Variants in SYBU observed in about 807,000 individuals in gnomAD.
SYBU encodes the protein GOLSYN A protein.
Under a neutral mutation model 35.9 loss-of-function variants are expected in SYBU, and 21 were observed. The ratio of observed to expected loss-of-function variants is 0.58; its 90% CI spans 0.41 to 0.84. The LOEUF is 0.84. Among genes scored for constraint, SYBU ranks in the 40% least tolerant of loss-of-function variants. SYBU has a pLI of 0.00. For missense variants in SYBU, 768 were observed against 848.2 expected (o/e 0.91, Z 1.17); for synonymous variants, 319 against 324.3 (o/e 0.98, Z 0.18).
At chr8:109,607,023 T>C (rs1826138681) in intron 3 of SYBU, among the ~76,000 whole-genome samples, 1 of 152,248 alleles carries the variant, frequency 6.6e-6, no homozygotes. Flanking sequence ...TCTAAATATC[T>C]TAATTTTACA....
chr8:109,650,139 G>C (rs1050005790), intron 1 of SYBU, among the ~76,000 whole-genome samples: 2 of 152,116 alleles, frequency 1.3e-5, no homozygotes, highest in Non-Finnish European at 2.9e-5. Context: ...GCCAGACACA[G>C]AGCAGATACA....
At chr8:109,629,177 T>C (rs1200607056) in intron 2 of SYBU, among the ~76,000 whole-genome samples, 1 of 152,102 alleles carries the variant, frequency 6.6e-6, no homozygotes, top group Non-Finnish European at 1.5e-5. Context: ...AATCTTGACG[T>C]TTATTGGAAG....
Position 109,575,812 on chromosome 8 carries a change from T to C in SYBU, c.1086A>G (p.Ile362Met). ...DKGIQKYFVD[I>M]NIQNKKLESL... ...ACTCCAGCTTCTTGTTTTGGATGTT[T>C]ATGTCCACAAAATATTTCTGAATGC... is the stretch of plus-strand genomic sequence containing the variant. Residue 362 changes from isoleucine (I) to methionine (M), a missense_variant, in exon 7 of 7, where the codon ATA becomes ATG. Ile to Met is a conservative substitution (Grantham distance 10). Coordinates refer to ENST00000276646, the MANE Select transcript of SYBU (RefSeq NM_001099754.2). 1 of 1,614,118 alleles carries C rather than the reference T, an allele frequency of 6.2e-7. No homozygotes were observed. Among genetic ancestry groups the C allele is most frequent in the Non-Finnish European group, 8.5e-7 (1 of 1,180,022 alleles).
At chr8:109,676,926 T>C (rs1817211491) in intron 1 of SYBU, among the ~76,000 whole-genome samples, 1 of 152,174 alleles carries the variant, frequency 6.6e-6, no homozygotes. Context: ...ACATTTATGT[T>C]GGTTAAGATC....
chr8:109,599,407 C>G (rs1391339371), intron 3 of SYBU, among the ~76,000 whole-genome samples: 1 of 152,214 alleles, frequency 6.6e-6, no homozygotes, highest in Non-Finnish European at 1.5e-5. Flanking sequence ...CACCTGGCCT[C>G]TTTGTTAAAA....
intron 3 of SYBU, among the ~76,000 whole-genome samples, chr8:109,614,926 T>C (rs1000258296): frequency 2.0e-5 from 3 of 152,250 alleles, no homozygotes; most frequent in African/African-American, 7.2e-5. Flanking sequence ...TCCTGCTGCG[T>C]GTGCTGCCGG....
At chr8:109,609,146 C>T (rs993586923) in intron 3 of SYBU, among the ~76,000 whole-genome samples, 2 of 152,174 alleles carry the variant, frequency 1.3e-5, no homozygotes, top group African/African-American at 4.8e-5. Context: ...CTGCAATTAC[C>T]TCTCAGAAAA....
upstream of SYBU, among the ~76,000 whole-genome samples, chr8:109,683,236 C>T (rs1817443820): frequency 6.6e-6 from 1 of 152,224 alleles, no homozygotes; most frequent in South Asian, 2.1e-4. Context: ...ACAGACAACA[C>T]CAGCCTGTGA....
chr8:109,686,432 A>T (rs746970805), intron 1 of SYBU, among the ~76,000 whole-genome samples: 6 of 152,224 alleles, frequency 3.9e-5, no homozygotes, highest in Admixed American at 6.5e-5. Flanking sequence ...AAAGACACGC[A>T]TCAATGTGAT....
upstream of SYBU, among the ~76,000 whole-genome samples, chr8:109,649,615 G>C (rs190655976): frequency 6.6e-6 from 1 of 152,302 alleles, no homozygotes; most frequent in Admixed American, 6.5e-5. Context: ...AGGATGGTAA[G>C]GGTCTAATCC....
chr8:109,663,427 T>C (rs1197627246), intron 1 of SYBU, among the ~76,000 whole-genome samples: 1 of 152,166 alleles, frequency 6.6e-6, no homozygotes, highest in African/African-American at 2.4e-5. Flanking sequence ...GTAATATCTT[T>C]CACTTTTATC....
chr8:109,645,626 G>GTTTTTTTTT (rs201121007), upstream of SYBU: 263 of 244,964 alleles, frequency 1.1e-3, 10 homozygotes, highest in African/African-American at 7.0e-3. Flanking sequence ...TTGTTGTTTC[G>GTTTTTTTTT]TTTTTTGTTT....
intron 3 of SYBU, among the ~76,000 whole-genome samples, chr8:109,613,235 G>T (rs1465971673): frequency 6.6e-6 from 1 of 152,148 alleles, no homozygotes; most frequent in Non-Finnish European, 1.5e-5. Context: ...GTGTGTGAGA[G>T]TTTTTAGGAG....
chr8:109,651,678 G>T (rs1262272075), intron 1 of SYBU, among the ~76,000 whole-genome samples: 2 of 152,052 alleles, frequency 1.3e-5, no homozygotes, highest in African/African-American at 2.4e-5. Flanking sequence ...ATAGGGATTA[G>T]ATAAGAACAG....
intron 3 of SYBU, among the ~76,000 whole-genome samples, chr8:109,606,931 A>C (rs1190006062): frequency 2.0e-5 from 3 of 152,234 alleles, no homozygotes; most frequent in African/African-American, 7.2e-5. Flanking sequence ...ATATGATTAA[A>C]GATGAATTTC....
intron 2 of SYBU, among the ~76,000 whole-genome samples, chr8:109,629,443 CT>C (rs1490827042): frequency 6.6e-6 from 1 of 152,198 alleles, no homozygotes; most frequent in Non-Finnish European, 1.5e-5. Flanking sequence ...TCATACAAAA[CT>C]GGCACTAGTG....
At chr8:109,663,050 C>T (rs1816621861) in intron 1 of SYBU, among the ~76,000 whole-genome samples, 1 of 152,012 alleles carries the variant, frequency 6.6e-6, no homozygotes, top group South Asian at 2.1e-4. Flanking sequence ...AACCTGGATC[C>T]TAAGATATAC....
chr8:109,650,269 A>G (rs897268927), intron 1 of SYBU, among the ~76,000 whole-genome samples: 1 of 152,218 alleles, frequency 6.6e-6, no homozygotes, highest in Non-Finnish European at 1.5e-5. Flanking sequence ...ATTAAAAACA[A>G]TATGTTCTCC....
intron 2 of SYBU, among the ~76,000 whole-genome samples, chr8:109,622,856 G>T (rs1043575686): frequency 3.9e-5 from 6 of 152,120 alleles, no homozygotes; most frequent in African/African-American, 1.4e-4. Context: ...TGAATAATGT[G>T]CCCCCAAAGT....
Sources: allele counts gnomAD v4.1 joint callset (sites outside exome capture counted in the v4.1 genomes callset), GRCh38; gene constraint gnomAD v4.1.1; transcripts MANE v1.5; gene names NCBI Gene and HGNC (gene_info 2026-07-23, HGNC 2026-07-21).